PTGER3: variants seen among roughly 807,000 people sequenced by gnomAD.
The protein encoded by PTGER3 is prostaglandin E receptor 3.
Under a neutral mutation model 34.7 loss-of-function variants are expected in PTGER3, and 22 were observed. The observed-to-expected ratio is 0.63, with a 90% CI of 0.45 to 0.91. PTGER3 has a LOEUF of 0.91. PTGER3 is among the 40% of genes least tolerant of loss of function. The pLI is 0.00. For synonymous variants in PTGER3, 241 were observed against 230.1 expected (o/e 1.05, Z -0.43); for missense variants, 468 against 519.4 (o/e 0.90, Z 0.96).
At chr1:70,996,771 C>T (rs1476717052) in intron 2 of PTGER3, among the ~76,000 whole-genome samples, 1 of 152,014 alleles carries the variant, frequency 6.6e-6, no homozygotes, top group Non-Finnish European at 1.5e-5. Context: ...TCACGCCATT[C>T]TCCTGCCTCA....
At chr1:71,044,641 A>T (rs554162102) in intron 1 of PTGER3, among the ~76,000 whole-genome samples, 392 of 152,156 alleles carry the variant, frequency 2.6e-3, no homozygotes, top group Non-Finnish European at 4.4e-3. Flanking sequence ...ATCCTAAATT[A>T]CAGTTTTCAA....
intron 4 of PTGER3, among the ~76,000 whole-genome samples, chr1:70,916,065 A>G (rs2100416453): frequency 6.6e-6 from 1 of 152,086 alleles, no homozygotes; most frequent in Non-Finnish European, 1.5e-5. Flanking sequence ...ATTTAAAAAA[A>G]TGAGTAAAGA....
chr1:71,032,050 G>A (rs1659454528), intron 1 of PTGER3, among the ~76,000 whole-genome samples: 1 of 152,190 alleles, frequency 6.6e-6, no homozygotes, highest in Non-Finnish European at 1.5e-5. Context: ...CTGCCACCCA[G>A]CATGTTGGCC....
chr1:70,860,876 G>A (rs777672596), intron 4 of PTGER3, among the ~76,000 whole-genome samples: 3 of 152,184 alleles, frequency 2.0e-5, no homozygotes, highest in Non-Finnish European at 2.9e-5. Context: ...ATAAGGCACT[G>A]TTGGGTCCTG....
At chr1:70,941,714 T>G (rs1227421570) in intron 4 of PTGER3, among the ~76,000 whole-genome samples, 1 of 152,182 alleles carries the variant, frequency 6.6e-6, no homozygotes, top group Non-Finnish European at 1.5e-5. Context: ...TCAGGAGTCA[T>G]GATGAGTCTA....
At chr1:70,891,724 C>A (rs894019876) in intron 4 of PTGER3, among the ~76,000 whole-genome samples, 1 of 152,174 alleles carries the variant, frequency 6.6e-6, no homozygotes, top group African/African-American at 2.4e-5. Context: ...TAGCATTCTT[C>A]TTCTCTAACA....
At chr1:70,976,009 G>A (rs1422633392) in intron 2 of PTGER3, among the ~76,000 whole-genome samples, 1 of 151,988 alleles carries the variant, frequency 6.6e-6, no homozygotes, top group African/African-American at 2.4e-5. Context: ...CTTTAACTAA[G>A]GAAATGCCCT....
At chr1:70,924,296 C>A (rs1022616566) in intron 4 of PTGER3, among the ~76,000 whole-genome samples, 2 of 152,052 alleles carry the variant, frequency 1.3e-5, no homozygotes, top group African/African-American at 4.8e-5. Flanking sequence ...TATAATAAAG[C>A]AAATCAATCT....
At chr1:70,994,090 C>G (rs1327198834) in intron 2 of PTGER3, among the ~76,000 whole-genome samples, 1 of 152,202 alleles carries the variant, frequency 6.6e-6, no homozygotes, top group Non-Finnish European at 1.5e-5. Flanking sequence ...CTGTTCCTGC[C>G]AACCACAGCT....
At chr1:71,037,756 G>A (rs1659969062) in intron 1 of PTGER3, among the ~76,000 whole-genome samples, 1 of 152,150 alleles carries the variant, frequency 6.6e-6, no homozygotes, top group Non-Finnish European at 1.5e-5. Flanking sequence ...AGATCACATG[G>A]CAAGGCCGTG....
intron 2 of PTGER3, among the ~76,000 whole-genome samples, chr1:70,982,568 A>C (rs893853369): frequency 5.3e-5 from 8 of 152,190 alleles, no homozygotes; most frequent in African/African-American, 1.9e-4. Flanking sequence ...CATGTTTTGT[A>C]AAATTGCTTC....
At chr1:70,978,787 G>A (rs546113558) in intron 2 of PTGER3, among the ~76,000 whole-genome samples, 9 of 152,210 alleles carry the variant, frequency 5.9e-5, no homozygotes, top group African/African-American at 2.2e-4. Flanking sequence ...CACCAAGAGG[G>A]TAGTGATCCC....
chr1:70,934,545 G>A (rs1649022450), intron 4 of PTGER3, among the ~76,000 whole-genome samples: 6 of 152,074 alleles, frequency 3.9e-5, no homozygotes, highest in Non-Finnish European at 8.8e-5. Context: ...TCACTGCATA[G>A]TTTCCATATC....
intron 2 of PTGER3, among the ~76,000 whole-genome samples, chr1:70,986,549 T>C (rs907377591): frequency 4.6e-5 from 7 of 152,236 alleles, no homozygotes; most frequent in Non-Finnish European, 1.0e-4. Context: ...GGCTAGAACA[T>C]GTTGAGGAAA....
chr1:70,971,429 TG>T lies in PTGER3; in HGVS notation c.*300del. The T allele has an allele frequency of 9.1e-7, 1 of 1,096,026 alleles. No individual in the cohort carries two copies. The highest frequency in any genetic ancestry group is 1.1e-6 in the Non-Finnish European group (1 of 901,130). The allele number at this position is 1,096,026 out of a possible 1,614,324, so 67.9% of individuals were successfully genotyped here. On this transcript the variant is annotated 3_prime_UTR_variant, in exon 4 of 4. Transcript: ENST00000306666. The stretch of plus-strand genomic sequence containing the variant: ...AAGGTTTGAAGTTGGAGAAAACTCC[TG>T]GAACACAGGTCTTTCTTTTCATCAC...
downstream of PTGER3, among the ~76,000 whole-genome samples, chr1:70,967,420 TA>T (rs1652639479): frequency 1.3e-5 from 2 of 152,094 alleles, no homozygotes; most frequent in Non-Finnish European, 1.5e-5. Flanking sequence ...GAGATTTAAA[TA>T]AAAATACAGA....
At chr1:70,997,898 A>G (rs1656128771) in intron 2 of PTGER3, among the ~76,000 whole-genome samples, 2 of 152,250 alleles carry the variant, frequency 1.3e-5, no homozygotes, top group South Asian at 4.1e-4. Flanking sequence ...GACTTAAAGA[A>G]GATATTTGTA....
intron 1 of PTGER3, among the ~76,000 whole-genome samples, chr1:71,035,650 G>A (rs965524718): frequency 2.0e-5 from 3 of 152,168 alleles, no homozygotes; most frequent in Admixed American, 6.5e-5. Context: ...TTCCCCTACA[G>A]CTTTCAGTTG....
chr1:70,897,433 CCT>C (rs1345131437), intron 4 of PTGER3, among the ~76,000 whole-genome samples: 1 of 152,122 alleles, frequency 6.6e-6, no homozygotes, highest in Non-Finnish European at 1.5e-5. Flanking sequence ...GAACCTCTAC[CCT>C]CGTTGAATAG....
Sources: gnomAD v4.1 joint callset for allele counts (sites outside exome capture counted in the v4.1 genomes callset) on GRCh38, gnomAD v4.1.1 for gene constraint, MANE v1.5 for transcripts, NCBI Gene and HGNC (gene_info 2026-07-23, HGNC 2026-07-21) for gene names.